The following SHROOM3 variants were observed in gnomAD, a reference collection of about 807,000 sequenced individuals.
The protein encoded by SHROOM3 is protein Shroom3.
In SHROOM3, 47 loss-of-function variants were observed where a neutral mutation model predicts 138.6. The ratio of observed to expected loss-of-function variants is 0.34; its 90% confidence interval spans 0.27 to 0.43. The LOEUF is 0.43. SHROOM3 is among the 20% of genes least tolerant of loss of function. The pLI is 1.00. For missense variants in SHROOM3, 2,491 were observed against 2,596.5 expected, an observed-to-expected ratio of 0.96 and a Z score of 0.88; for synonymous variants, 1,062 against 1,063.3, an observed-to-expected ratio of 1.00 and a Z score of 0.02.
chr4:76,684,358 C>A (rs1242588045), intron 2 of SHROOM3, among the ~76,000 whole-genome samples: 2 of 152,220 alleles, frequency 1.3e-5, no homozygotes, highest in African/African-American at 2.4e-5. Context: ...TGGCTACCTT[C>A]ACCCTCTGAG....
intron 2 of SHROOM3, among the ~76,000 whole-genome samples, chr4:76,653,004 T>C (rs1010635907): frequency 7.9e-5 from 12 of 152,076 alleles, no homozygotes; most frequent in African/African-American, 2.7e-4. Flanking sequence ...TCATATTCCA[T>C]TGATCCTCAG....
At chr4:76,693,370 G>GTTTTTTTTTCTT (rs1719615293) in intron 2 of SHROOM3, among the ~76,000 whole-genome samples, 1 of 79,810 alleles carries the variant, frequency 1.3e-5, no homozygotes, top group African/African-American at 5.1e-5. Flanking sequence ...TGATAAGTTT[G>GTTTTTTTTTCTT]TTTTTTTTTT....
intron 1 of SHROOM3, among the ~76,000 whole-genome samples, chr4:76,448,572 A>G (rs2109968244): frequency 6.6e-6 from 1 of 152,336 alleles, no homozygotes; most frequent in East Asian, 1.9e-4. Flanking sequence ...GTTTTCCACT[A>G]GCACCTAGAA....
intron 4 of SHROOM3, among the ~76,000 whole-genome samples, chr4:76,737,930 T>TGATTGA (rs1245002808): frequency 8.2e-6 from 1 of 121,602 alleles, no homozygotes; most frequent in Non-Finnish European, 1.9e-5. Context: ...TTTACAGTGA[T>TGATTGA]TGATAGTCTT....
intron 1 of SHROOM3, among the ~76,000 whole-genome samples, chr4:76,457,561 G>C (rs1300345030): frequency 6.7e-6 from 1 of 150,184 alleles, no homozygotes; most frequent in Non-Finnish European, 1.5e-5. Flanking sequence ...GCACTATCTC[G>C]ACTCACTGAA....
chr4:76,675,952 G>A (rs1719015299), intron 2 of SHROOM3, among the ~76,000 whole-genome samples: 1 of 152,192 alleles, frequency 6.6e-6, no homozygotes, highest in South Asian at 2.1e-4. Context: ...GATACAGGCT[G>A]AGGAACAAAG....
chr4:76,677,071 A>C (rs576390295), intron 2 of SHROOM3, among the ~76,000 whole-genome samples: 1 of 152,342 alleles, frequency 6.6e-6, no homozygotes, highest in South Asian at 2.1e-4. Flanking sequence ...AATTTGAATA[A>C]ATTCCCATTT....
At chr4:76,667,811 C>CA in intron 2 of SHROOM3, among the ~76,000 whole-genome samples, 1 of 150,660 alleles carries the variant, frequency 6.6e-6, no homozygotes, top group South Asian at 2.1e-4. Flanking sequence ...TACTAAAATA[C>CA]AAAAAAATTA....
intron 9 of SHROOM3, among the ~76,000 whole-genome samples, chr4:76,762,144 C>CTT (rs1164574730): frequency 6.6e-6 from 1 of 152,150 alleles, no homozygotes; most frequent in Non-Finnish European, 1.5e-5. Flanking sequence ...CTAGTTTGTC[C>CTT]TTTCTTGACC....
At chr4:76,626,578 G>GGGTA (rs1735149369) in intron 2 of SHROOM3, among the ~76,000 whole-genome samples, 1 of 152,146 alleles carries the variant, frequency 6.6e-6, no homozygotes, top group South Asian at 2.1e-4. Flanking sequence ...TAACATGCAT[G>GGGTA]GGTAGAATTA....
intron 1 of SHROOM3, among the ~76,000 whole-genome samples, chr4:76,490,495 T>C (rs578248845): frequency 6.6e-6 from 1 of 152,146 alleles, no homozygotes; most frequent in Non-Finnish European, 1.5e-5. Flanking sequence ...GACCTCGTGA[T>C]CTGCCTGTCT....
intron 1 of SHROOM3, among the ~76,000 whole-genome samples, chr4:76,507,139 C>T (rs1483281874): frequency 6.6e-6 from 1 of 152,022 alleles, no homozygotes; most frequent in African/African-American, 2.4e-5. Flanking sequence ...CTTTATGCAA[C>T]AAGGAAGAAG....
Position 76,619,177 on chromosome 4 carries a change from T to A in SHROOM3, c.323+63414T>A, listed in dbSNP as rs1406355002. 3.3e-5 allele frequency among the ~76,000 whole-genome samples: 5 copies of A among 152,342 alleles called. No homozygotes were observed. The South Asian group carries it at 8.3e-4, about 25-fold the overall frequency. ...TTTTCATTTCTTTTAATCTGGAACA[T>A]GTGCCATCCTTTCTTTAATGAATTG... On this transcript the variant is annotated intron_variant, in intron 2 of 10. Coordinates refer to ENST00000296043, the MANE Select transcript of SHROOM3 (RefSeq NM_020859.4).
intron 1 of SHROOM3, among the ~76,000 whole-genome samples, chr4:76,554,860 C>T (rs975070618): frequency 3.3e-5 from 5 of 152,186 alleles, no homozygotes; most frequent in East Asian, 3.9e-4. Context: ...CTCCCCATTG[C>T]TCACATAACC....
In SHROOM3 at chr4:76,436,294, A is replaced by C. The variant is rs1730562588; in HGVS notation, c.168+74A>C. 5 of 1,534,804 alleles carry C rather than the reference A, an allele frequency of 3.3e-6. No individual in the cohort carries two copies. The East Asian group carries it at 1.1e-4, about 35-fold the overall frequency. On this transcript the variant is annotated intron_variant, in intron 1 of 10. Transcript: ENST00000296043. ...CTTGTCAGATTTGTCAAAAATGCAA[A>C]ATAATGAGAACTGCCTTAATATAAC...
At chr4:76,469,430 C>T (rs1400008261) in intron 1 of SHROOM3, among the ~76,000 whole-genome samples, 1 of 151,212 alleles carries the variant, frequency 6.6e-6, no homozygotes, top group African/African-American at 2.4e-5. Flanking sequence ...CCAGTCGTTT[C>T]ATTTCCTGTT....
chr4:76,718,044 G>GC (rs778771646), intron 3 of SHROOM3, among the ~76,000 whole-genome samples: 1 of 152,182 alleles, frequency 6.6e-6, no homozygotes, highest in Non-Finnish European at 1.5e-5. Flanking sequence ...ACAGGTGGAT[G>GC]CAACAGTCGT....
intron 4 of SHROOM3, among the ~76,000 whole-genome samples, chr4:76,732,633 T>A (rs1177877832): frequency 6.6e-6 from 1 of 152,194 alleles, no homozygotes; most frequent in African/African-American, 2.4e-5. Context: ...TCCTGACCCT[T>A]GACAAAGCCA....
At chr4:76,606,477 G>A (rs1035734262) in intron 2 of SHROOM3, among the ~76,000 whole-genome samples, 6 of 152,110 alleles carry the variant, frequency 3.9e-5, no homozygotes, top group Admixed American at 3.9e-4. Flanking sequence ...TGGGAGGCGG[G>A]TGGATCATTT....
Sources: allele counts gnomAD v4.1 joint callset (sites outside exome capture counted in the v4.1 genomes callset), GRCh38; gene constraint gnomAD v4.1.1; transcripts MANE v1.5; gene names NCBI Gene and HGNC (gene_info 2026-07-23, HGNC 2026-07-21).